Variants in PAH observed in about 807,000 individuals in gnomAD.
PAH encodes the protein phenylalanine-4-hydroxylase.
A neutral mutation model predicts 62.0 loss-of-function variants in PAH; 64 were observed. That is an observed-to-expected ratio of 1.03 (90% confidence interval 0.84 to 1.27). The LOEUF is 1.27. Among genes scored for constraint, PAH ranks in the 50% most tolerant of loss-of-function variants. The pLI is 0.00. For synonymous variants in PAH, 195 were observed against 196.2 expected (o/e 0.99, Z 0.05); for missense variants, 579 against 542.8 (o/e 1.07, Z -0.66).
intron 3 of PAH, among the ~76,000 whole-genome samples, chr12:102,880,659 G>A (rs1012127793): frequency 6.6e-6 from 1 of 152,114 alleles, no homozygotes; most frequent in Non-Finnish European, 1.5e-5. Flanking sequence ...AATATGTACT[G>A]AGCACCTCCT....
At position 102,912,883 on chromosome 12, in the gene PAH, C is replaced by G; in HGVS notation, c.76G>C (p.Glu26Gln). Reference protein sequence around the residue: ...SDFGQETSYIEDNCNQNGAIS... With the variant: ...SDFGQETSYIQDNCNQNGAIS... ...GCACCATTTTGATTGCAGTTGTCTT[C>G]AATATAGCTTGTTTCCTACAGGATA... The change falls in exon 2 of 13, where the codon GAA becomes CAA. Residue 26 changes from glutamate (E) to glutamine (Q), a missense_variant. By Grantham distance (29) the Glu-to-Gln change is conservative. Coordinates refer to ENST00000553106, the MANE Select transcript of PAH (RefSeq NM_000277.3). 1 of 1,610,888 alleles carries G rather than the reference C, an allele frequency of 6.2e-7. No individual in the cohort carries two copies. The highest frequency in any genetic ancestry group is 8.5e-7 in the Non-Finnish European group (1 of 1,177,134).
chr12:102,941,446 G>T (rs1314962889), intron 1 of PAH, among the ~76,000 whole-genome samples: 1 of 152,048 alleles, frequency 6.6e-6, no homozygotes, highest in East Asian at 1.9e-4. Context: ...TAGGCTAAAA[G>T]TAAAAAGATC....
At chr12:102,924,292 A>C (rs1456585028) in intron 1 of PAH, among the ~76,000 whole-genome samples, 1 of 152,176 alleles carries the variant, frequency 6.6e-6, no homozygotes, top group Non-Finnish European at 1.5e-5. Context: ...AGAAAGTCTC[A>C]AACTCCAAAG....
chr12:102,869,788 C>T (rs1262489361), intron 4 of PAH, among the ~76,000 whole-genome samples: 2 of 152,202 alleles, frequency 1.3e-5, no homozygotes. Context: ...GCCTTGCATT[C>T]CTTGGGCTAC....
intron 1 of PAH, among the ~76,000 whole-genome samples, chr12:102,940,818 A>G (rs1478715067): frequency 1.3e-5 from 2 of 152,246 alleles, no homozygotes; most frequent in East Asian, 3.8e-4. Context: ...CAGAAAATTC[A>G]GAGAACCTCT....
At chr12:102,910,156 T>A (rs1363190525) in intron 2 of PAH, among the ~76,000 whole-genome samples, 1 of 152,174 alleles carries the variant, frequency 6.6e-6, no homozygotes, top group East Asian at 1.9e-4. Flanking sequence ...GAAACCATCC[T>A]CAGGGCTAGA....
At position 102,870,393 on chromosome 12, in the gene PAH, C is replaced by T. The variant is rs138664058; in HGVS notation, c.442-3730G>A. ...TTATCTCTCAGAGCCTTAGTTTCCT[C>T]ATCAGTAAAATAAGACTGTCAATCC... On this transcript the variant is annotated intron_variant, in intron 4 of 12. Transcript: ENST00000553106. 2.5e-3 allele frequency among the ~76,000 whole-genome samples: 387 copies of T among 152,290 alleles called. 3 individuals are homozygous for T. Among genetic ancestry groups the T allele is most frequent in the Non-Finnish European group, 6.5e-4 (44 of 68,026 alleles).
chr12:102,926,776 T>G (rs1462066135), intron 1 of PAH, among the ~76,000 whole-genome samples: 1 of 152,148 alleles, frequency 6.6e-6, no homozygotes, highest in Non-Finnish European at 1.5e-5. Flanking sequence ...ATTACTTTAC[T>G]GCATTTTATT....
chr12:102,871,053 C>A (rs1305654745), intron 4 of PAH, among the ~76,000 whole-genome samples: 2 of 152,208 alleles, frequency 1.3e-5, no homozygotes, highest in Non-Finnish European at 2.9e-5. Context: ...GCTGCACCTG[C>A]ATTCGACCAC....
intron 3 of PAH, among the ~76,000 whole-genome samples, chr12:102,893,608 C>A (rs1240677409): frequency 2.0e-5 from 3 of 152,066 alleles, no homozygotes; most frequent in Non-Finnish European, 4.4e-5. Context: ...TGTATGACTT[C>A]ATTTAATCCT....
intron 3 of PAH, among the ~76,000 whole-genome samples, chr12:102,890,977 G>C (rs911425706): frequency 1.3e-5 from 2 of 152,120 alleles, no homozygotes; most frequent in African/African-American, 4.8e-5. Flanking sequence ...CAGCTACTCG[G>C]GGAGGCTGAG....
intron 7 of PAH, among the ~76,000 whole-genome samples, chr12:102,852,482 A>C (rs542506285): frequency 6.6e-6 from 1 of 152,290 alleles, no homozygotes; most frequent in Non-Finnish European, 1.5e-5. Flanking sequence ...TATACTTAGG[A>C]AGTATTGAGA....
At chr12:102,934,632 C>A (rs975123504) in intron 1 of PAH, among the ~76,000 whole-genome samples, 1 of 151,742 alleles carries the variant, frequency 6.6e-6, no homozygotes, top group Non-Finnish European at 1.5e-5. Flanking sequence ...TTGTAGAGAC[C>A]TTTCACTTCT....
intron 1 of PAH, among the ~76,000 whole-genome samples, chr12:102,937,219 G>T (rs1299843512): frequency 6.6e-6 from 1 of 152,140 alleles, no homozygotes; most frequent in Non-Finnish European, 1.5e-5. Context: ...GTGTGAGAAA[G>T]AACTAATACT....
rs191790026 is a variant in PAH at position 102,925,905 on chromosome 12, T to C, written c.-95-8680A>G. Among the ~76,000 whole-genome samples the C allele has an allele frequency of 2.0e-5, 3 of 152,208 alleles. No individual in the cohort carries two copies. In the East Asian group the frequency reaches 5.8e-4, roughly 29 times the overall value. ...ATCCAAGTTTAAGTACAAACCAATA[T>C]ATATATAATATACATTATATGTATG... On this transcript the variant is annotated intron_variant, in intron 1 of 3. Coordinates refer to the PAH transcript ENST00000546844.
intron 2 of PAH, among the ~76,000 whole-genome samples, chr12:102,907,266 G>T (rs957446985): frequency 6.6e-6 from 1 of 152,138 alleles, no homozygotes; most frequent in Non-Finnish European, 1.5e-5. Context: ...CTGGGACCAG[G>T]ATATTTGCAT....
intron 3 of PAH, among the ~76,000 whole-genome samples, chr12:102,884,830 C>G (rs562614748): frequency 8.0e-4 from 122 of 152,260 alleles, no homozygotes; most frequent in African/African-American, 2.6e-3. Flanking sequence ...TTTTCTTGAG[C>G]GCTTATTATG....
chr12:102,859,722 C>A (rs896806899), intron 5 of PAH, among the ~76,000 whole-genome samples: 2 of 152,148 alleles, frequency 1.3e-5, no homozygotes, highest in African/African-American at 4.8e-5. Flanking sequence ...AAGACAAAAA[C>A]CACATGATTA....
At chr12:102,891,691 C>T (rs1005334841) in intron 3 of PAH, among the ~76,000 whole-genome samples, 14 of 152,222 alleles carry the variant, frequency 9.2e-5, no homozygotes, top group African/African-American at 2.9e-4. Flanking sequence ...AAAGTCACAC[C>T]GAGTGTGGTC....
Sources: gnomAD v4.1 joint callset for allele counts (sites outside exome capture counted in the v4.1 genomes callset) on GRCh38, gnomAD v4.1.1 for gene constraint, MANE v1.5 for transcripts, NCBI Gene and HGNC (gene_info 2026-07-23, HGNC 2026-07-21) for gene names.